The following OCA2 variants were observed in gnomAD, a reference collection of about 807,000 sequenced individuals.
The protein encoded by OCA2 is OCA2 melanosomal transmembrane protein, also known as P protein.
Under a neutral mutation model 100.2 loss-of-function variants are expected in OCA2, and 77 were observed. That is an observed-to-expected ratio of 0.77 (90% CI 0.64 to 0.93). The LOEUF (loss-of-function observed/expected upper bound fraction) is 0.93, where lower values mean the gene tolerates loss of function less well. Among genes scored for constraint, OCA2 ranks in the 40% least tolerant of loss-of-function variants. The probability of loss-of-function intolerance (pLI) is 0.00; values close to 1 mark genes in which losing one functional copy is unlikely to be tolerated. For missense variants in OCA2, 1,062 were observed against 1,089.1 expected (o/e 0.98, Z 0.35); for synonymous variants, 432 against 439.2 (o/e 0.98, Z 0.21).
At chr15:27,728,000 G>C in the OCA2 span, among the ~76,000 whole-genome samples, 2 of 152,172 alleles carry the variant, frequency 1.3e-5, no homozygotes, top group Admixed American at 6.5e-5. Flanking sequence ...GCTTCCAAAG[G>C]TGTATGTCTC....
intron 23 of OCA2, among the ~76,000 whole-genome samples, chr15:27,797,766 G>A (rs1274894629): frequency 1.3e-5 from 2 of 152,326 alleles, no homozygotes; most frequent in Admixed American, 6.5e-5. Context: ...CAAGGAGGAT[G>A]AGCTGCAGAG....
intron 23 of OCA2, among the ~76,000 whole-genome samples, chr15:27,839,799 T>C (rs1020607419): frequency 3.9e-5 from 6 of 152,178 alleles, no homozygotes; most frequent in African/African-American, 1.4e-4. Context: ...AGTATAATCA[T>C]TGGGTAGATT....
chr15:28,057,199 T>C (rs1343943212), intron 2 of OCA2, among the ~76,000 whole-genome samples: 4 of 152,230 alleles, frequency 2.6e-5, no homozygotes, highest in African/African-American at 9.6e-5. Flanking sequence ...CTTTACATTT[T>C]ATGAATACAT....
intron 18 of OCA2, among the ~76,000 whole-genome samples, chr15:27,927,525 T>A (rs959595696): frequency 1.3e-5 from 2 of 152,194 alleles, no homozygotes; most frequent in African/African-American, 4.8e-5. Context: ...TACCTAGGAA[T>A]GAGATGGTTG....
intron 21 of OCA2, among the ~76,000 whole-genome samples, chr15:27,862,798 T>C (rs550819472): frequency 6.6e-6 from 1 of 152,352 alleles, no homozygotes; most frequent in Admixed American, 6.5e-5. Flanking sequence ...TAAGTTCGTA[T>C]GTCAAATTTG....
intron 21 of OCA2, among the ~76,000 whole-genome samples, chr15:27,861,587 G>A (rs1210140537): frequency 6.6e-6 from 1 of 152,128 alleles, no homozygotes. Flanking sequence ...GGGCCAGGCG[G>A]GGAAAGATTC....
chr15:27,789,141 C>A (rs1218615836), intron 23 of OCA2, among the ~76,000 whole-genome samples: 3 of 133,490 alleles, frequency 2.2e-5, no homozygotes, highest in Non-Finnish European at 4.6e-5. Flanking sequence ...TTTATTCAGG[C>A]TCATCTATAT....
In OCA2 at chr15:27,909,242, A is replaced by C. The variant is rs181479938; in HGVS notation, c.2079+16885T>G. Among the ~76,000 whole-genome samples, 102 of 152,366 alleles carry C rather than the reference A, an allele frequency of 6.7e-4. 1 individual carries two copies. Among genetic ancestry groups the C allele is most frequent in the African/African-American group, 2.3e-3 (95 of 41,604 alleles). On this transcript the variant is annotated intron_variant, in intron 19 of 23. Transcript: ENST00000354638. ...CACAATTTTAAAACATTCCTGAAAG[A>C]CACAGAAGTAGACTTGATCAAATAC...
intron 14 of OCA2, among the ~76,000 whole-genome samples, chr15:27,973,197 C>G (rs58494637): frequency 0.024 from 3,600 of 152,152 alleles, 166 homozygotes; most frequent in African/African-American, 0.083. Flanking sequence ...TTAATTAGAT[C>G]CCATTTATTT....
chr15:27,809,404 T>C (rs2033986304), intron 23 of OCA2, among the ~76,000 whole-genome samples: 2 of 152,124 alleles, frequency 1.3e-5, no homozygotes, highest in Admixed American at 1.3e-4. Context: ...GACCAACCCA[T>C]AGCCAACATC....
At chr15:27,876,199 C>T (rs888172409) in intron 19 of OCA2, among the ~76,000 whole-genome samples, 2 of 152,008 alleles carry the variant, frequency 1.3e-5, no homozygotes, top group Non-Finnish European at 2.9e-5. Flanking sequence ...CTCTCTAATG[C>T]TTTTTCTGCA....
rs1200235094 is a variant in OCA2, at chr15:28,043,557, C to G, written c.228-11394G>C. ...AGGATGCAATCCTTCCTTTTCAAAG[C>G]AAACGGATGGAACATGAAAGACTCC... On this transcript the variant is annotated intron_variant, in intron 2 of 23. Transcript: ENST00000354638. This position sits in a 1 kb window ranked among gnomAD's most constrained non-coding sequence, Gnocchi z 4.4. Among the ~76,000 whole-genome samples, 1 of 152,142 alleles carries G rather than the reference C, an allele frequency of 6.6e-6. No individual in the cohort carries two copies. Among genetic ancestry groups the G allele is most frequent in the Non-Finnish European group, 1.5e-5 (1 of 68,028 alleles).
intron 23 of OCA2, among the ~76,000 whole-genome samples, chr15:27,790,643 C>A (rs1001468744): frequency 6.6e-6 from 1 of 152,076 alleles, no homozygotes; most frequent in African/African-American, 2.4e-5. Flanking sequence ...TAAAGGGGTA[C>A]CAGAAAAGTT....
At chr15:27,846,788 G>A (rs1567018294) in intron 22 of OCA2, among the ~76,000 whole-genome samples, 1 of 152,318 alleles carries the variant, frequency 6.6e-6, no homozygotes, top group East Asian at 1.9e-4. Context: ...AGGAAAGGAT[G>A]TTGAAGGATC....
chr15:28,051,246 G>A (rs141321564), intron 2 of OCA2, among the ~76,000 whole-genome samples: 155 of 152,350 alleles, frequency 1.0e-3, no homozygotes, highest in Admixed American at 2.0e-3. Context: ...TCCAGGCAAG[G>A]AACTACAGTT....
intron 23 of OCA2, among the ~76,000 whole-genome samples, chr15:27,770,852 T>TCCCATCC (rs2031722139): frequency 1.2e-5 from 1 of 80,924 alleles, no homozygotes. Context: ...TTTCCTTCCT[T>TCCCATCC]CCTTTCTTCC....
At chr15:27,822,707 G>A (rs2151277131) in intron 23 of OCA2, among the ~76,000 whole-genome samples, 1 of 152,280 alleles carries the variant, frequency 6.6e-6, no homozygotes, top group Non-Finnish European at 1.5e-5. Context: ...TGAAATGAGA[G>A]TGAAATTGCT....
At chr15:28,008,723 T>C (rs993836528) in intron 9 of OCA2, among the ~76,000 whole-genome samples, 3 of 152,226 alleles carry the variant, frequency 2.0e-5, no homozygotes, top group African/African-American at 4.8e-5. Flanking sequence ...AAGTGCTATT[T>C]CTTTTCGGCA....
At chr15:27,986,488 A>T (rs2041355275) in intron 12 of OCA2, 99 bp downstream of exon 12, 1 of 871,250 alleles carries the variant, frequency 1.1e-6, no homozygotes, top group Admixed American at 2.0e-5. Context: ...GAATTTTTCA[A>T]TGTTTGTTTT....
Sources: gnomAD v4.1 joint callset for allele counts (sites outside exome capture counted in the v4.1 genomes callset) on GRCh38, gnomAD v4.1.1 for gene constraint, Gnocchi (gnomAD v3.1) non-coding constraint, MANE v1.5 for transcripts, NCBI Gene and HGNC (gene_info 2026-07-23, HGNC 2026-07-21) for gene names.